Variants in CDH13 observed in about 807,000 individuals in gnomAD.
The protein encoded by CDH13 is cadherin 13.
Under a neutral mutation model 63.8 loss-of-function variants are expected in CDH13, and 24 were observed. The ratio of observed to expected loss-of-function variants is 0.38; its 90% CI spans 0.27 to 0.53. The LOEUF is 0.53. Ranked by LOEUF, CDH13 falls within the 20% of genes least tolerant of loss-of-function variation. The probability of loss-of-function intolerance (pLI) is 0.85; values close to 1 mark genes in which losing one functional copy is unlikely to be tolerated. For synonymous variants in CDH13, 503 were observed against 355.3 expected, an observed-to-expected ratio of 1.42 and a Z score of -4.67; for missense variants, 1,049 against 903.1, an observed-to-expected ratio of 1.16 and a Z score of -2.07.
chr16:83,161,853 A>C (rs2037460858), intron 4 of CDH13, among the ~76,000 whole-genome samples: 1 of 152,212 alleles, frequency 6.6e-6, no homozygotes, highest in Non-Finnish European at 1.5e-5. Flanking sequence ...TATGTCAAAC[A>C]ACCCACCGTA....
At chr16:83,079,807 T>C (rs1344017649) in intron 3 of CDH13, among the ~76,000 whole-genome samples, 2 of 152,250 alleles carry the variant, frequency 1.3e-5, no homozygotes, top group Non-Finnish European at 2.9e-5. Context: ...AATATTTATT[T>C]GGATGATCCA....
chr16:83,746,484 G>A (rs770165537), intron 10 of CDH13, among the ~76,000 whole-genome samples: 52 of 152,140 alleles, frequency 3.4e-4, no homozygotes, highest in Admixed American at 1.4e-3. Flanking sequence ...TTTGCTCTAT[G>A]AAGTAACATT....
intron 1 of CDH13, among the ~76,000 whole-genome samples, chr16:82,804,553 C>A (rs542637916): frequency 6.6e-6 from 1 of 152,132 alleles, no homozygotes; most frequent in Non-Finnish European, 1.5e-5. Context: ...GATCCTAGTT[C>A]TCTTGTGTGA....
intron 1 of CDH13, among the ~76,000 whole-genome samples, chr16:82,779,512 C>A (rs2035651551): frequency 6.6e-6 from 1 of 152,110 alleles, no homozygotes; most frequent in Non-Finnish European, 1.5e-5. Context: ...AAAAGAGGGT[C>A]TGGGAATGAA....
intron 2 of CDH13, among the ~76,000 whole-genome samples, chr16:83,026,258 A>G (rs767714010): frequency 6.6e-6 from 1 of 152,200 alleles, no homozygotes. Context: ...CCACTTGCCC[A>G]TCTATTCCTA....
At chr16:83,377,471 C>T (rs531898767) in intron 6 of CDH13, among the ~76,000 whole-genome samples, 2 of 152,126 alleles carry the variant, frequency 1.3e-5, no homozygotes, top group East Asian at 1.9e-4. Flanking sequence ...TTTGATGGGA[C>T]TGTCAAACTC....
At position 83,332,677 on chromosome 16, in the gene CDH13, A is replaced by G. The variant is rs572993595; in HGVS notation, c.637-12185A>G. Among the ~76,000 whole-genome samples, 6 of 152,292 alleles carry G rather than the reference A, an allele frequency of 3.9e-5. No homozygotes were observed. The South Asian group carries it at 1.2e-3, about 32-fold the overall frequency. ...CATAATTCCATCATCCAAGAGTTATATAAGTTCTACTTGAACCAATTAAAA... is the reference window on the plus strand; with the variant it reads ...CATAATTCCATCATCCAAGAGTTATGTAAGTTCTACTTGAACCAATTAAAA... On this transcript the variant is annotated intron_variant, in intron 5 of 13. Coordinates refer to ENST00000567109, the MANE Select transcript of CDH13 (RefSeq NM_001257.5).
At chr16:83,089,031 T>G (rs1057247127) in intron 3 of CDH13, among the ~76,000 whole-genome samples, 1 of 152,196 alleles carries the variant, frequency 6.6e-6, no homozygotes, top group Non-Finnish European at 1.5e-5. Flanking sequence ...CCTAAAATAT[T>G]TACTACCTGG....
rs368784281 is a variant in CDH13, at chr16:83,777,470, C to T, written c.1682-2498C>T. Among the ~76,000 whole-genome samples, 384 of 152,346 alleles carry T rather than the reference C, an allele frequency of 2.5e-3. 1 individual carries two copies. Among genetic ancestry groups the T allele is most frequent in the Non-Finnish European group, 3.7e-3 (252 of 68,030 alleles). Reference sequence around the variant, plus strand: ...CCCCAGCCAGTTTCTCATTGCCTTCCGGGTTCTGTGAGGTGCGGGGGCTTT... The same window carrying T: ...CCCCAGCCAGTTTCTCATTGCCTTCTGGGTTCTGTGAGGTGCGGGGGCTTT... On this transcript the variant is annotated intron_variant, in intron 11 of 13. Coordinates refer to ENST00000567109, the MANE Select transcript of CDH13 (RefSeq NM_001257.5).
chr16:83,185,926 T>A (rs1046898920), intron 4 of CDH13, among the ~76,000 whole-genome samples: 1 of 152,138 alleles, frequency 6.6e-6, no homozygotes, highest in African/African-American at 2.4e-5. Flanking sequence ...ATGGAGTATG[T>A]CCGAAAACCA....
chr16:83,230,843 A>G (rs1363997981), intron 5 of CDH13, among the ~76,000 whole-genome samples: 6 of 152,236 alleles, frequency 3.9e-5, no homozygotes, highest in Admixed American at 1.3e-4. Flanking sequence ...GAATGCCACA[A>G]TGTGGATGAC....
intron 8 of CDH13, among the ~76,000 whole-genome samples, chr16:83,624,336 A>ATG (rs1555505865): frequency 6.9e-6 from 1 of 145,528 alleles, no homozygotes; most frequent in Non-Finnish European, 1.5e-5. Flanking sequence ...TGATGAGATA[A>ATG]CGCCCCCACC....
chr16:82,922,460 G>C (rs896388914), intron 2 of CDH13, among the ~76,000 whole-genome samples: 3 of 152,172 alleles, frequency 2.0e-5, no homozygotes, highest in Non-Finnish European at 4.4e-5. Context: ...GCAAACATGA[G>C]TGTTGTTGCC....
chr16:83,658,983 GTCC>G (rs1913173085), intron 8 of CDH13, among the ~76,000 whole-genome samples: 2 of 107,824 alleles, frequency 1.9e-5, no homozygotes, highest in Admixed American at 1.0e-4. Flanking sequence ...AAGGTCCCAT[GTCC>G]TCACCACCAG....
At chr16:82,994,917 C>G (rs72792140) in intron 2 of CDH13, among the ~76,000 whole-genome samples, 1 of 152,064 alleles carries the variant, frequency 6.6e-6, no homozygotes, top group Non-Finnish European at 1.5e-5. Context: ...TACATGACCT[C>G]GGGCAAGTTT....
chr16:83,664,488 A>G (rs1681238187), intron 8 of CDH13, among the ~76,000 whole-genome samples: 1 of 150,312 alleles, frequency 6.7e-6, no homozygotes, highest in Admixed American at 6.7e-5. Context: ...ATGTAAATAT[A>G]TATCTTATGT....
At chr16:83,098,322 T>G (rs1216507203) in intron 3 of CDH13, among the ~76,000 whole-genome samples, 1 of 152,204 alleles carries the variant, frequency 6.6e-6, no homozygotes, top group East Asian at 1.9e-4. Flanking sequence ...CTCCTCTGGT[T>G]TTTAGTTGCT....
intron 6 of CDH13, among the ~76,000 whole-genome samples, chr16:83,428,149 C>A (rs1354734750): frequency 1.3e-5 from 2 of 152,124 alleles, no homozygotes; most frequent in Non-Finnish European, 2.9e-5. Context: ...GAAATGGCAC[C>A]TTTTGACTGC....
intron 1 of CDH13, among the ~76,000 whole-genome samples, chr16:82,840,696 A>AAAG (rs1157368750): frequency 3.3e-5 from 5 of 151,912 alleles, no homozygotes; most frequent in Non-Finnish European, 7.4e-5. Context: ...AAAAAAAAAA[A>AAAG]AAAAAAGAAA....
Sources: allele counts gnomAD v4.1 joint callset (sites outside exome capture counted in the v4.1 genomes callset), GRCh38; gene constraint gnomAD v4.1.1; transcripts MANE v1.5; gene names NCBI Gene and HGNC (gene_info 2026-07-23, HGNC 2026-07-21).